The following NTMT2 variants were observed in gnomAD, a reference collection of about 807,000 sequenced individuals.
NTMT2 encodes the protein N-terminal Xaa-Pro-Lys N-methyltransferase 2.
NTMT2 carries 21 observed loss-of-function variants against 23.4 expected under a neutral mutation model. The observed-to-expected ratio is 0.90, with a 90% confidence interval of 0.64 to 1.29. NTMT2 has a LOEUF of 1.29. NTMT2 is among the 50% of genes most tolerant of loss of function. The pLI is 0.00. For missense variants in NTMT2, 336 were observed against 352.0 expected, an observed-to-expected ratio of 0.95 and a Z score of 0.36; for synonymous variants, 131 against 127.7, an observed-to-expected ratio of 1.03 and a Z score of -0.17.
chr1:170,148,773 C>A (rs1673016266), intron 1 of NTMT2, among the ~76,000 whole-genome samples: 2 of 152,056 alleles, frequency 1.3e-5, no homozygotes, highest in African/African-American at 4.8e-5. Flanking sequence ...ATATTCCACA[C>A]AGGCATTCAG....
Position 170,167,719 on chromosome 1 carries a change from G to A in NTMT2, c.814G>A (p.Val272Met), listed in dbSNP as rs149937199. 1.2e-4 allele frequency: 188 copies of A among 1,551,254 alleles called. No individual in the cohort carries two copies. In the African/African-American group the frequency reaches 1.6e-3, roughly 14 times the overall value. The change falls in exon 4 of 4, where the codon GTG becomes ATG. Residue 272 changes from valine (V) to methionine (M), a missense_variant. Coordinates refer to ENST00000439373, the MANE Select transcript of NTMT2 (RefSeq NM_001136107.2). ...TGGCTTCCCAGAGCAGTGCATCCCC[G>A]TGTGGATGTTCGCACTGCACAGCGA... ...QDGFPEQCIPVWMFALHSDRH... is the reference protein window; with the variant it reads ...QDGFPEQCIPMWMFALHSDRH...
intron 1 of NTMT2, among the ~76,000 whole-genome samples, chr1:170,154,440 C>A (rs140478057): frequency 4.6e-4 from 70 of 152,312 alleles, no homozygotes; most frequent in African/African-American, 1.4e-3. Flanking sequence ...AGGAGGGGAG[C>A]TGCCCAAGAC....
intron 1 of NTMT2, among the ~76,000 whole-genome samples, chr1:170,148,072 C>T (rs183382235): frequency 8.8e-4 from 132 of 150,524 alleles, no homozygotes; most frequent in African/African-American, 3.1e-3. Context: ...AACTTTTCTG[C>T]ATAGGATTGG....
chr1:170,154,512 G>A (rs1673127980), intron 1 of NTMT2, among the ~76,000 whole-genome samples: 2 of 152,330 alleles, frequency 1.3e-5, no homozygotes, highest in South Asian at 2.1e-4. Context: ...TTATTTTGGA[G>A]CTTTAAGACT....
chr1:170,146,499 G>A (rs1051352417), intron 1 of NTMT2, among the ~76,000 whole-genome samples: 1 of 152,128 alleles, frequency 6.6e-6, no homozygotes, highest in Non-Finnish European at 1.5e-5. Context: ...CTCAGGCACT[G>A]TGATTTGCTT....
Position 170,146,097 on chromosome 1 carries a change from C to G in NTMT2, c.-11C>G, listed in dbSNP as rs1439751364. 6.5e-7 allele frequency: 1 copy of G among 1,548,474 alleles called. No homozygotes were observed. Among genetic ancestry groups the G allele is most frequent in the Non-Finnish European group, 8.7e-7 (1 of 1,145,674 alleles). ...CTTTCTCTGTAGGAATCATTATTAT[C>G]CCCCTTTGTCATGGCCCACCGGGGA... On this transcript the variant is annotated 5_prime_UTR_variant, in exon 1 of 4. In the 5' UTR this introduces an upstream ATG that the reference lacks. Transcript: ENST00000439373.
intron 2 of NTMT2, among the ~76,000 whole-genome samples, chr1:170,165,361 C>A (rs999115285): frequency 6.6e-6 from 1 of 152,210 alleles, no homozygotes; most frequent in African/African-American, 2.4e-5. Context: ...CTTAAAAAAA[C>A]AGTTTTAGAG....
chr1:170,153,886 T>G (rs530178798), intron 1 of NTMT2, among the ~76,000 whole-genome samples: 20 of 152,038 alleles, frequency 1.3e-4, no homozygotes, highest in African/African-American at 3.4e-4. Flanking sequence ...CAGGTGCTAA[T>G]AGCCAAGATG....
chr1:170,155,848 T>C (rs1026947059), intron 1 of NTMT2, among the ~76,000 whole-genome samples: 3 of 152,092 alleles, frequency 2.0e-5, no homozygotes, highest in Non-Finnish European at 2.9e-5. Context: ...TCTCTGATAC[T>C]AGATCAATAT....
chr1:170,162,316 A>G (rs893998537), intron 2 of NTMT2, among the ~76,000 whole-genome samples: 7 of 152,184 alleles, frequency 4.6e-5, no homozygotes, highest in African/African-American at 9.7e-5. Flanking sequence ...CCATCAACCG[A>G]TTTAGTAGCA....
At chr1:170,159,420 GGTTTTTTTTTTTTTT>G (rs1673227556) in intron 1 of NTMT2, among the ~76,000 whole-genome samples, 1 of 88,224 alleles carries the variant, frequency 1.1e-5, no homozygotes, top group Admixed American at 1.4e-4. Flanking sequence ...TTTATGCTCT[GGTTTTTTTTTTTTTT>G]TTTTTTTTTT....
At chr1:170,151,031 G>A (rs989264266) in intron 1 of NTMT2, among the ~76,000 whole-genome samples, 9 of 152,120 alleles carry the variant, frequency 5.9e-5, no homozygotes, top group Non-Finnish European at 1.2e-4. Context: ...TTGAGCAAAA[G>A]TCTATTACTC....
chr1:170,162,240 G>C (rs1167734157), intron 2 of NTMT2, among the ~76,000 whole-genome samples: 1 of 152,196 alleles, frequency 6.6e-6, no homozygotes, highest in African/African-American at 2.4e-5. Context: ...CAAAGTCATT[G>C]GTTTGAGATT....
chr1:170,167,369 A>T, intron 3 of NTMT2, 117 bp from the exon 4 acceptor site: 3 of 942,068 alleles, frequency 3.2e-6, no homozygotes, highest in Non-Finnish European at 3.1e-6. Context: ...TGAGGCTATT[A>T]AATCATGAAT....
chr1:170,159,514 A>T (rs1220120845), intron 1 of NTMT2, among the ~76,000 whole-genome samples: 1 of 147,282 alleles, frequency 6.8e-6, no homozygotes, highest in East Asian at 2.0e-4. Flanking sequence ...TTACTCTTGC[A>T]AATATTTTGG....
chr1:170,147,845 G>A (rs963206776), intron 1 of NTMT2, among the ~76,000 whole-genome samples: 1 of 152,154 alleles, frequency 6.6e-6, no homozygotes, highest in Non-Finnish European at 1.5e-5. Flanking sequence ...AAAAGCAGAT[G>A]AAAATTAATT....
At chr1:170,157,718 A>C (rs1452057146) in intron 1 of NTMT2, among the ~76,000 whole-genome samples, 1 of 152,108 alleles carries the variant, frequency 6.6e-6, no homozygotes, top group East Asian at 1.9e-4. Context: ...CTTCTGCTCA[A>C]ATTTATGTCA....
intron 3 of NTMT2, among the ~76,000 whole-genome samples, chr1:170,167,199 C>CA (rs1447506092): frequency 5.3e-5 from 8 of 152,072 alleles, no homozygotes; most frequent in Non-Finnish European, 1.2e-4. Flanking sequence ...GGGGGTTCTC[C>CA]AGGGGACATG....
At chr1:170,150,947 C>CA (rs1053392770) in intron 1 of NTMT2, among the ~76,000 whole-genome samples, 1 of 152,128 alleles carries the variant, frequency 6.6e-6, no homozygotes, top group African/African-American at 2.4e-5. Flanking sequence ...AATAACTTAA[C>CA]ACTCAATGAT....
Sources: gnomAD v4.1 joint callset for allele counts (sites outside exome capture counted in the v4.1 genomes callset) on GRCh38, gnomAD v4.1.1 for gene constraint, MANE v1.5 for transcripts, NCBI Gene and HGNC (gene_info 2026-07-23, HGNC 2026-07-21) for gene names.